Variants in GUCA1C observed in about 807,000 individuals in gnomAD.
GUCA1C encodes guanylate cyclase activator 1C.
In GUCA1C, 15 loss-of-function variants were observed where a neutral mutation model predicts 16.2. The ratio of observed to expected loss-of-function variants is 0.93; its 90% CI spans 0.62 to 1.43. GUCA1C has a LOEUF of 1.43. GUCA1C is among the 40% of genes most tolerant of loss of function. The pLI is 0.00. For missense variants in GUCA1C, 275 were observed against 244.8 expected, an observed-to-expected ratio of 1.12 and a Z score of -0.82; for synonymous variants, 78 against 85.4, an observed-to-expected ratio of 0.91 and a Z score of 0.48.
chr3:108,930,393 A>C (rs1399473963), intron 1 of GUCA1C, among the ~76,000 whole-genome samples: 1 of 152,258 alleles, frequency 6.6e-6, no homozygotes, highest in Non-Finnish European at 1.5e-5. Context: ...AAGAAAAGCA[A>C]CTGAGAAACA....
chr3:108,925,172 G>A (rs1244919015), intron 1 of GUCA1C, among the ~76,000 whole-genome samples: 1 of 151,410 alleles, frequency 6.6e-6, no homozygotes, highest in Non-Finnish European at 1.5e-5. Flanking sequence ...CTTCTGCTGG[G>A]TTTAGGTTTA....
chr3:108,943,493 A>G (rs1164694282), intron 1 of GUCA1C, among the ~76,000 whole-genome samples: 2 of 152,150 alleles, frequency 1.3e-5, no homozygotes, highest in East Asian at 3.8e-4. Context: ...CTGTGAAGAA[A>G]CAACAGCCCT....
intron 1 of GUCA1C, among the ~76,000 whole-genome samples, chr3:108,939,619 G>A (rs563785972): frequency 5.4e-4 from 81 of 148,772 alleles, no homozygotes; most frequent in Middle Eastern, 3.4e-3. Context: ...GAGCCACCGC[G>A]CCCGGCCAAG....
chr3:108,943,106 T>C (rs1946804468), intron 1 of GUCA1C, among the ~76,000 whole-genome samples: 1 of 152,170 alleles, frequency 6.6e-6, no homozygotes, highest in Non-Finnish European at 1.5e-5. Context: ...ACAAAAGATT[T>C]AGAAGAATGC....
At chr3:108,934,518 T>C (rs1425770003) in intron 1 of GUCA1C, among the ~76,000 whole-genome samples, 1 of 152,138 alleles carries the variant, frequency 6.6e-6, no homozygotes, top group Non-Finnish European at 1.5e-5. Context: ...TTACTGGGTA[T>C]ATATCCTAAA....
At chr3:108,908,740 T>C (rs889578964) in intron 3 of GUCA1C, among the ~76,000 whole-genome samples, 2 of 152,200 alleles carry the variant, frequency 1.3e-5, no homozygotes, top group East Asian at 3.8e-4. Context: ...CCTGATCTTA[T>C]CACCTTGACT....
At chr3:108,945,160 C>T (rs1280052164) in intron 1 of GUCA1C, among the ~76,000 whole-genome samples, 1 of 152,218 alleles carries the variant, frequency 6.6e-6, no homozygotes, top group Non-Finnish European at 1.5e-5. Context: ...CCAAGTGAAG[C>T]CTACGGATGC....
At chr3:108,915,862 T>C in intron 3 of GUCA1C, 1 of 466,008 alleles carries the variant, frequency 2.1e-6, no homozygotes. Flanking sequence ...TACTTCATCC[T>C]ATATTATTCT....
At chr3:108,922,531 T>TAA (rs1946579677) in intron 1 of GUCA1C, among the ~76,000 whole-genome samples, 2 of 152,018 alleles carry the variant, frequency 1.3e-5, no homozygotes, top group South Asian at 4.2e-4. Context: ...ATTATGGCCA[T>TAA]TCTTGCAGGA....
chr3:108,911,875 G>A (rs1946457763), intron 3 of GUCA1C, among the ~76,000 whole-genome samples: 1 of 152,052 alleles, frequency 6.6e-6, no homozygotes, highest in Non-Finnish European at 1.5e-5. Context: ...GGAGGCCGAG[G>A]CGGGCGGATC....
At position 108,947,121 on chromosome 3, in the gene GUCA1C, C is replaced by G. The variant is rs187326739; in HGVS notation, c.204+6438G>C. ...CAATGTATTAACTACTAACAGCCTG[C>G]TATTGCTTGGAAGCCTTACCAATAA... On this transcript the variant is annotated intron_variant, in intron 1 of 3. Transcript: ENST00000261047. Among the ~76,000 whole-genome samples the G allele has an allele frequency of 2.6e-5, 4 of 152,226 alleles. 1 individual carries two copies. The East Asian group carries it at 7.7e-4, about 29-fold the overall frequency.
chr3:108,922,154 TACACAAACACACACACACACACAC>T (rs59924167), intron 1 of GUCA1C, among the ~76,000 whole-genome samples: 1,023 of 91,184 alleles, frequency 0.011, 20 homozygotes, highest in African/African-American at 0.035. Flanking sequence ...CACACACACA[TACACAAACACACACACACACACAC>T]ACACACACAC....
chr3:108,934,939 G>T (rs946443577), intron 1 of GUCA1C, among the ~76,000 whole-genome samples: 1 of 143,950 alleles, frequency 6.9e-6, no homozygotes, highest in African/African-American at 2.6e-5. Context: ...TCAGCCTCCC[G>T]AGTAGCTGGG....
At chr3:108,939,323 G>GGTTTTTTTTTTTT (rs1491279760) in intron 1 of GUCA1C, among the ~76,000 whole-genome samples, 2 of 33,224 alleles carry the variant, frequency 6.0e-5, no homozygotes, top group South Asian at 7.8e-4. Context: ...TTGCTTCAAG[G>GGTTTTTTTTTTTT]CTTTTTTTTT....
chr3:108,930,486 G>A (rs1393126324), intron 1 of GUCA1C, among the ~76,000 whole-genome samples: 2 of 152,216 alleles, frequency 1.3e-5, no homozygotes, highest in Non-Finnish European at 2.9e-5. Flanking sequence ...TATTTCAGAT[G>A]TTGGAAGCTA....
chr3:108,950,451 AT>A (rs1482763064), intron 1 of GUCA1C, among the ~76,000 whole-genome samples: 1 of 152,034 alleles, frequency 6.6e-6, no homozygotes, highest in African/African-American at 2.4e-5. Flanking sequence ...TCTATTTTTA[AT>A]TTTGTGAGGA....
At chr3:108,908,426 C>T (rs1019364270) in intron 3 of GUCA1C, among the ~76,000 whole-genome samples, 10 of 149,334 alleles carry the variant, frequency 6.7e-5, no homozygotes, top group Non-Finnish European at 1.2e-4. Context: ...ACTATTTTTA[C>T]GTTTAGTTGA....
chr3:108,922,154 TACACAAACACACACACACACACACACAC>T (rs1279885387), intron 1 of GUCA1C, among the ~76,000 whole-genome samples: 1 of 91,128 alleles, frequency 1.1e-5, no homozygotes, highest in Non-Finnish European at 2.6e-5. Context: ...CACACACACA[TACACAAACACACACACACACACACACAC>T]ACACACACAC....
At chr3:108,912,325 G>A (rs533896311) in intron 3 of GUCA1C, among the ~76,000 whole-genome samples, 1 of 151,732 alleles carries the variant, frequency 6.6e-6, no homozygotes, top group South Asian at 2.1e-4. Context: ...GGTAGAATAT[G>A]GATTGCTATT....
Sources: allele counts gnomAD v4.1 joint callset (sites outside exome capture counted in the v4.1 genomes callset), GRCh38; gene constraint gnomAD v4.1.1; transcripts MANE v1.5; gene names NCBI Gene and HGNC (gene_info 2026-07-23, HGNC 2026-07-21).